The following FLVCR2 variants were observed in gnomAD, a reference collection of about 807,000 sequenced individuals.
FLVCR2 encodes choline/ethanolamine transporter FLVCR2.
In FLVCR2, 38 loss-of-function variants were observed where a neutral mutation model predicts 48.9. The ratio of observed to expected loss-of-function variants is 0.78; its 90% CI spans 0.60 to 1.02. The LOEUF (loss-of-function observed/expected upper bound fraction) is 1.02, where lower values mean the gene tolerates loss of function less well. FLVCR2 is among the 50% of genes least tolerant of loss of function. The pLI is 0.00. For missense variants in FLVCR2, 664 were observed against 663.3 expected, an observed-to-expected ratio of 1.00 and a Z score of -0.01; for synonymous variants, 255 against 257.0, an observed-to-expected ratio of 0.99 and a Z score of 0.07.
chr14:75,627,479 C>T (rs1385013410), intron 3 of FLVCR2, among the ~76,000 whole-genome samples: 1 of 152,204 alleles, frequency 6.6e-6, no homozygotes, highest in Non-Finnish European at 1.5e-5. Flanking sequence ...CTCCCTACTA[C>T]AGCCTTGCAG....
intron 1 of FLVCR2, chr14:75,605,568 A>C: frequency 6.5e-7 from 1 of 1,536,104 alleles, no homozygotes; most frequent in Admixed American, 2.0e-5. Context: ...GCCTTGTCCC[A>C]GCATGAGCGC....
chr14:75,614,801 GA>G (rs1190233369), intron 1 of FLVCR2, among the ~76,000 whole-genome samples: 1 of 152,200 alleles, frequency 6.6e-6, no homozygotes, highest in Non-Finnish European at 1.5e-5. Context: ...GGTGGAAGGG[GA>G]AACAGGCACA....
At chr14:75,604,446 T>C (rs1889240801) in intron 1 of FLVCR2, among the ~76,000 whole-genome samples, 1 of 152,192 alleles carries the variant, frequency 6.6e-6, no homozygotes, top group Non-Finnish European at 1.5e-5. Context: ...AAATGAGGTC[T>C]GCTGTCATGG....
In FLVCR2 at chr14:75,634,810, C is replaced by T. The variant is rs1159457196; in HGVS notation, c.1021-100C>T. 4 of 770,472 alleles carry T rather than the reference C, an allele frequency of 5.2e-6. No homozygotes were observed. In the Admixed American group the frequency reaches 8.0e-5, roughly 15 times the overall value. 47.7% of individuals were successfully genotyped at this position (770,472 alleles called of 1,614,324 possible). A position where few individuals can be genotyped will look rare whatever the true frequency, so the allele number is the denominator to read the frequency against. On this transcript the variant is annotated intron_variant, in intron 4 of 9. Transcript: ENST00000238667. ...GTTCTGAATATTGACTCTGATGGAG[C>T]TTGAGTTACCTGCCTTTGTTCCTTC... is the stretch of plus-strand genomic sequence containing the variant.
In FLVCR2 at chr14:75,641,907, A is replaced by G. The variant is rs772007293; in HGVS notation, c.1509+9A>G. On this transcript the variant is annotated intron_variant, in intron 9 of 9. Transcript: ENST00000238667. ...AAGAAACTCTTGAGAACGTGAGTAT[A>G]TGGGAGCTTTGTGGGGCTGAGATCG... is the stretch of plus-strand genomic sequence containing the variant. The G allele has an allele frequency of 6.2e-7, 1 of 1,613,622 alleles. No individual in the cohort carries two copies. The highest frequency in any genetic ancestry group is 8.5e-7 in the Non-Finnish European group (1 of 1,179,504).
intron 1 of FLVCR2, among the ~76,000 whole-genome samples, chr14:75,618,798 G>C (rs998039159): frequency 6.6e-6 from 1 of 152,106 alleles, no homozygotes; most frequent in Non-Finnish European, 1.5e-5. Context: ...AGTGAGCCTG[G>C]GTTCTGACAT....
rs114652690 is a variant in FLVCR2 at position 75,645,988 on chromosome 14, C to T, written c.1510-413C>T. The stretch of plus-strand genomic sequence containing the variant: ...TCCAAGTGGGGGTTGTTGGAAATTC[C>T]AAGGGAATCGCAGACCTGGCACCTT... On this transcript the variant is annotated intron_variant, in intron 9 of 9. Transcript: ENST00000238667. Among the ~76,000 whole-genome samples, 487 of 151,036 alleles carry T rather than the reference C, an allele frequency of 3.2e-3. 2 individuals carry two copies. The highest frequency in any genetic ancestry group is 0.011 in the African/African-American group (456 of 41,108).
chr14:75,632,990 T>G, intron 3 of FLVCR2: 1 of 702,176 alleles, frequency 1.4e-6, no homozygotes, highest in East Asian at 2.7e-5. Context: ...GCTGTATGAC[T>G]TTGGGCAAAT....
At chr14:75,586,756 C>T (rs1888761989) in intron 1 of FLVCR2, among the ~76,000 whole-genome samples, 1 of 151,982 alleles carries the variant, frequency 6.6e-6, no homozygotes, top group Non-Finnish European at 1.5e-5. Context: ...TCCACGGGAG[C>T]ATTACCTTCT....
intron 3 of FLVCR2, among the ~76,000 whole-genome samples, chr14:75,625,652 C>T (rs560415440): frequency 2.6e-5 from 4 of 152,038 alleles, no homozygotes; most frequent in Non-Finnish European, 4.4e-5. Context: ...TGACATGTAC[C>T]GTAACCATAT....
chr14:75,610,526 T>G (rs1029583539), intron 1 of FLVCR2, among the ~76,000 whole-genome samples: 1 of 152,212 alleles, frequency 6.6e-6, no homozygotes, highest in African/African-American at 2.4e-5. Flanking sequence ...ACTTCTCTGT[T>G]TACAGCCTAG....
intron 2 of FLVCR2, among the ~76,000 whole-genome samples, chr14:75,622,913 G>C (rs1483549326): frequency 6.6e-6 from 1 of 152,090 alleles, no homozygotes; most frequent in African/African-American, 2.4e-5. Context: ...CCATTAACTT[G>C]TCATTGTACA....
intron 1 of FLVCR2, among the ~76,000 whole-genome samples, chr14:75,591,697 G>A (rs886404404): frequency 6.6e-5 from 10 of 151,848 alleles, no homozygotes; most frequent in Non-Finnish European, 1.3e-4. Flanking sequence ...GTCCTCTGCT[G>A]TGGCCTCACA....
At chr14:75,589,595 G>A (rs879909185) in intron 1 of FLVCR2, among the ~76,000 whole-genome samples, 4 of 152,136 alleles carry the variant, frequency 2.6e-5, no homozygotes, top group South Asian at 2.1e-4. Flanking sequence ...CTTGGTGATA[G>A]CCACACTTCC....
At chr14:75,633,075 G>T (rs1890084791) in intron 3 of FLVCR2, 1 of 659,080 alleles carries the variant, frequency 1.5e-6, no homozygotes, top group Admixed American at 2.4e-5. Context: ...TGGTAAAGTA[G>T]GAGAGTCAAC....
intron 1 of FLVCR2, among the ~76,000 whole-genome samples, chr14:75,610,290 C>T (rs1431486691): frequency 6.6e-6 from 1 of 152,178 alleles, no homozygotes; most frequent in Non-Finnish European, 1.5e-5. Context: ...TAGACCTAGG[C>T]TGGCCCTTTG....
intron 1 of FLVCR2, among the ~76,000 whole-genome samples, chr14:75,590,134 A>C (rs1888846256): frequency 6.6e-6 from 1 of 152,240 alleles, no homozygotes; most frequent in Non-Finnish European, 1.5e-5. Flanking sequence ...AAGTGGATGC[A>C]TGTGAAGAGG....
intron 1 of FLVCR2, among the ~76,000 whole-genome samples, chr14:75,621,100 C>T (rs906560085): frequency 6.6e-6 from 1 of 152,188 alleles, no homozygotes; most frequent in South Asian, 2.1e-4. Flanking sequence ...ACCTCGGAAA[C>T]ACCCAAGTCA....
intron 1 of FLVCR2, among the ~76,000 whole-genome samples, chr14:75,608,051 C>T (rs183337943): frequency 2.0e-5 from 3 of 152,312 alleles, no homozygotes; most frequent in African/African-American, 7.2e-5. Context: ...GCCTGGGCAA[C>T]AGTGTGAGTT....
Sources: gnomAD v4.1 joint callset for allele counts (sites outside exome capture counted in the v4.1 genomes callset) on GRCh38, gnomAD v4.1.1 for gene constraint, MANE v1.5 for transcripts, NCBI Gene and HGNC (gene_info 2026-07-23, HGNC 2026-07-21) for gene names.